The following CPXM2 variants were observed in gnomAD, a reference collection of about 807,000 sequenced individuals.
CPXM2 encodes carboxypeptidase X, M14 family member 2.
A neutral mutation model predicts 86.1 loss-of-function variants in CPXM2; 66 were observed. The observed-to-expected ratio is 0.77, with a 90% CI of 0.63 to 0.94. The LOEUF is 0.94. Ranked by LOEUF, CPXM2 falls within the 40% of genes least tolerant of loss-of-function variation. CPXM2 has a pLI of 0.00. For synonymous variants in CPXM2, 388 were observed against 400.2 expected, an observed-to-expected ratio of 0.97 and a Z score of 0.36; for missense variants, 948 against 1,026.3, an observed-to-expected ratio of 0.92 and a Z score of 1.04.
At chr10:123,803,149 T>A (rs1387780249) in intron 4 of CPXM2, among the ~76,000 whole-genome samples, 6 of 101,556 alleles carry the variant, frequency 5.9e-5, no homozygotes, top group African/African-American at 9.2e-5. Context: ...TTTTTTTTTT[T>A]TGAGACAGCG....
intron 4 of CPXM2, among the ~76,000 whole-genome samples, chr10:123,831,673 A>T (rs1485529012): frequency 6.6e-6 from 1 of 151,856 alleles, no homozygotes; most frequent in Non-Finnish European, 1.5e-5. Context: ...GCCTTGTTGT[A>T]GGTCTCCTCC....
chr10:123,941,035 C>G (rs1358469424), upstream of CPXM2, among the ~76,000 whole-genome samples: 1 of 152,046 alleles, frequency 6.6e-6, no homozygotes, highest in East Asian at 1.9e-4. Context: ...GCAGGGCGTG[C>G]TGGTGGGTGC....
At chr10:123,902,646 G>A (rs1945394525) in intron 2 of CPXM2, among the ~76,000 whole-genome samples, 1 of 152,152 alleles carries the variant, frequency 6.6e-6, no homozygotes, top group African/African-American at 2.4e-5. Context: ...GGGCACACAA[G>A]CACCCTTGGG....
At chr10:123,853,702 C>T (rs1283788652) in intron 3 of CPXM2, among the ~76,000 whole-genome samples, 3 of 152,170 alleles carry the variant, frequency 2.0e-5, no homozygotes, top group Non-Finnish European at 4.4e-5. Context: ...GTCAGGAGTT[C>T]GAGACCAGCC....
chr10:123,833,109 G>T (rs1326763033), intron 4 of CPXM2, among the ~76,000 whole-genome samples: 2 of 152,150 alleles, frequency 1.3e-5, no homozygotes, highest in Non-Finnish European at 2.9e-5. Context: ...AAGTTTCCCA[G>T]TCTAAGGTAT....
rs1846353411 is a variant in CPXM2, at chr10:123,761,982, G to T, written c.1667C>A (p.Ala556Asp). ...GTCTGTCATGAGGCGGTGTGTGGAG[G>T]CATAGGAGTAGGCCAGCCAGCGGAA... ...HVFRWLAYSY[A>D]STHRLMTDAR... Residue 556 changes from alanine (A) to aspartate (D), a missense_variant, in exon 11 of 14, where the codon GCC (alanine) becomes GAC (aspartate). Physicochemically the swap from Ala to Asp is moderately radical, Grantham distance 126 (BLOSUM62 -2). Transcript: ENST00000241305. 6.2e-7 allele frequency: 1 copy of T among 1,613,720 alleles called. No individual in the cohort carries two copies. Among genetic ancestry groups the T allele is most frequent in the Admixed American group, 1.7e-5 (1 of 59,978 alleles).
chr10:123,759,792 G>A (rs1225767761), intron 11 of CPXM2, among the ~76,000 whole-genome samples: 1 of 152,226 alleles, frequency 6.6e-6, no homozygotes, highest in African/African-American at 2.4e-5. Flanking sequence ...AGGAGAAGGT[G>A]CAGGGTTGCA....
upstream of CPXM2, among the ~76,000 whole-genome samples, chr10:123,942,656 C>T (rs946562242): frequency 6.6e-6 from 1 of 152,182 alleles, no homozygotes; most frequent in African/African-American, 2.4e-5. Context: ...AATAATCCAC[C>T]CCTTGTTTAA....
Position 123,805,487 on chromosome 10 carries a change from T to C in CPXM2, c.654-6288A>G, listed in dbSNP as rs145360490. ...CTATTTAGAAGTGTGTTGTTTAATGTCTAGGTACTAGATATTTTCCAGTTA... is the reference window on the plus strand; with the variant it reads ...CTATTTAGAAGTGTGTTGTTTAATGCCTAGGTACTAGATATTTTCCAGTTA... On this transcript the variant is annotated intron_variant, in intron 4 of 13. Transcript: ENST00000241305. Among the ~76,000 whole-genome samples, 34 of 152,304 alleles carry C rather than the reference T, an allele frequency of 2.2e-4. No homozygotes were observed. The East Asian group carries it at 6.6e-3, about 29-fold the overall frequency.
chr10:123,846,528 GC>G (rs1848498500), intron 3 of CPXM2, among the ~76,000 whole-genome samples: 1 of 152,216 alleles, frequency 6.6e-6, no homozygotes, highest in South Asian at 2.1e-4. Context: ...TGCTGTGAAA[GC>G]CCCGTTCCTA....
intron 10 of CPXM2, among the ~76,000 whole-genome samples, chr10:123,765,924 GTTGT>G (rs1403716489): frequency 1.3e-5 from 2 of 152,296 alleles, no homozygotes; most frequent in African/African-American, 4.8e-5. Flanking sequence ...TTTTGTTGTT[GTTGT>G]TTGTTTGTTT....
chr10:123,918,546 T>A (rs72829746), intron 2 of CPXM2, among the ~76,000 whole-genome samples: 7 of 152,320 alleles, frequency 4.6e-5, no homozygotes, highest in Admixed American at 6.5e-5. Flanking sequence ...AATCCTGAAC[T>A]GTGTGGCAGA....
chr10:123,869,287 C>T (rs943057308), intron 2 of CPXM2, among the ~76,000 whole-genome samples: 2 of 152,182 alleles, frequency 1.3e-5, no homozygotes, highest in Non-Finnish European at 2.9e-5. Context: ...GACAATTAAT[C>T]GCTCAGTGAC....
upstream of CPXM2, among the ~76,000 whole-genome samples, chr10:123,943,811 G>A (rs1006150885): frequency 2.0e-4 from 30 of 152,162 alleles, no homozygotes; most frequent in African/African-American, 7.2e-4. Context: ...TGGGCCTAGA[G>A]GGACACCACT....
chr10:123,769,731 C>T (rs1306961595), intron 8 of CPXM2, among the ~76,000 whole-genome samples: 1 of 152,178 alleles, frequency 6.6e-6, no homozygotes, highest in Admixed American at 6.5e-5. Flanking sequence ...GAGGAACAGC[C>T]CTCACCAGGC....
chr10:123,902,740 A>G (rs1260283614), intron 2 of CPXM2, among the ~76,000 whole-genome samples: 1 of 152,106 alleles, frequency 6.6e-6, no homozygotes. Context: ...ATCTAATATC[A>G]TTGCCTTGGG....
intron 4 of CPXM2, among the ~76,000 whole-genome samples, chr10:123,817,548 T>C (rs780263640): frequency 6.6e-6 from 1 of 152,184 alleles, no homozygotes; most frequent in African/African-American, 2.4e-5. Flanking sequence ...TTCTGACCCA[T>C]CTAGTCATAA....
intron 4 of CPXM2, among the ~76,000 whole-genome samples, chr10:123,837,968 C>A (rs188881482): frequency 1.1e-3 from 169 of 152,270 alleles, no homozygotes; most frequent in African/African-American, 3.9e-3. Flanking sequence ...CCATGGCATG[C>A]GCCTTGCTGA....
At chr10:123,843,266 A>G (rs767680038) in intron 3 of CPXM2, 5 of 455,568 alleles carry the variant, frequency 1.1e-5, no homozygotes, top group South Asian at 7.7e-5. Context: ...AATTCTTTTG[A>G]TCTGAATTTC....
Sources: allele counts gnomAD v4.1 joint callset (sites outside exome capture counted in the v4.1 genomes callset), GRCh38; gene constraint gnomAD v4.1.1; transcripts MANE v1.5; gene names NCBI Gene and HGNC (gene_info 2026-07-23, HGNC 2026-07-21).